Variants in CCSER1 observed in about 807,000 individuals in gnomAD.
The protein encoded by CCSER1 is serine-rich coiled-coil domain-containing protein 1.
A neutral mutation model predicts 82.0 loss-of-function variants in CCSER1; 41 were observed. The observed-to-expected ratio is 0.50, with a 90% CI of 0.39 to 0.65. The LOEUF (loss-of-function observed/expected upper bound fraction) is 0.65, where lower values mean the gene tolerates loss of function less well. CCSER1 is among the 30% of genes least tolerant of loss of function. The pLI, the probability that CCSER1 is intolerant of heterozygous loss-of-function variation, is 0.00. For missense variants in CCSER1, 1,119 were observed against 1,064.2 expected, an observed-to-expected ratio of 1.05 and a Z score of -0.72; for synonymous variants, 414 against 383.9, an observed-to-expected ratio of 1.08 and a Z score of -0.92.
At chr4:90,559,809 C>CAAAAAAAAAAAAA (rs1236087772) in intron 5 of CCSER1, among the ~76,000 whole-genome samples, 2 of 39,764 alleles carry the variant, frequency 5.0e-5, no homozygotes, top group African/African-American at 1.8e-4. Flanking sequence ...GACTCCGTCT[C>CAAAAAAAAAAAAA]AAAAAAAAAA....
intron 10 of CCSER1, among the ~76,000 whole-genome samples, chr4:91,460,948 A>G: frequency 6.6e-6 from 1 of 152,152 alleles, no homozygotes; most frequent in South Asian, 2.1e-4. Flanking sequence ...CTCAAAGGAT[A>G]AAAAAAATCC....
chr4:91,593,278 CCTTT>C (rs939850448), intron 10 of CCSER1, among the ~76,000 whole-genome samples: 3 of 152,046 alleles, frequency 2.0e-5, no homozygotes, highest in Non-Finnish European at 4.4e-5. Context: ...TTCATATTTG[CCTTT>C]CTTTAATTGA....
At chr4:91,153,807 G>A (rs762494152) in intron 10 of CCSER1, among the ~76,000 whole-genome samples, 10 of 151,962 alleles carry the variant, frequency 6.6e-5, no homozygotes, top group South Asian at 2.1e-4. Flanking sequence ...TATCACCAGC[G>A]GAGGCTGCAG....
intron 9 of CCSER1, among the ~76,000 whole-genome samples, chr4:90,929,826 T>C (rs1041430038): frequency 3.3e-5 from 5 of 152,216 alleles, no homozygotes; most frequent in African/African-American, 1.2e-4. Context: ...AGGGTGACTA[T>C]AATTAATGAT....
chr4:90,467,820 T>G (rs113499202), intron 4 of CCSER1, among the ~76,000 whole-genome samples: 2,596 of 152,340 alleles, frequency 0.017, 36 homozygotes, highest in African/African-American at 0.036. Context: ...GTTCAGAGGT[T>G]CCAGTAGTGT....
intron 5 of CCSER1, among the ~76,000 whole-genome samples, chr4:90,490,759 C>G (rs1187790628): frequency 3.3e-5 from 5 of 152,124 alleles, no homozygotes; most frequent in East Asian, 1.9e-4. Context: ...GTTTTCCCAG[C>G]ACCATTTTTT....
At chr4:90,835,541 A>G (rs13128537) in intron 8 of CCSER1, among the ~76,000 whole-genome samples, 9,989 of 152,182 alleles carry the variant, frequency 0.066, 429 homozygotes, top group Non-Finnish European at 0.092. Flanking sequence ...CAGTTCAGCT[A>G]TATGTTTAGA....
intron 6 of CCSER1, among the ~76,000 whole-genome samples, chr4:90,675,199 G>C (rs1240264827): frequency 6.6e-6 from 1 of 151,950 alleles, no homozygotes; most frequent in Admixed American, 6.6e-5. Context: ...GACAGAAAAA[G>C]TGAAAGAGAA....
intron 9 of CCSER1, among the ~76,000 whole-genome samples, chr4:91,024,822 G>A (rs1467252833): frequency 6.6e-6 from 1 of 151,908 alleles, no homozygotes; most frequent in Non-Finnish European, 1.5e-5. Context: ...GAAATAAGCA[G>A]GTATGACTTT....
At chr4:91,172,541 T>C (rs957726102) in intron 10 of CCSER1, among the ~76,000 whole-genome samples, 5 of 152,186 alleles carry the variant, frequency 3.3e-5, no homozygotes, top group Non-Finnish European at 5.9e-5. Flanking sequence ...TTGGAAGCAA[T>C]GATTAATATT....
intron 10 of CCSER1, among the ~76,000 whole-genome samples, chr4:91,383,488 T>A (rs1252476356): frequency 6.6e-6 from 1 of 152,128 alleles, no homozygotes; most frequent in Non-Finnish European, 1.5e-5. Flanking sequence ...TTTTTTGAAT[T>A]TATGCTTCTT....
chr4:90,256,244 G>T (rs1723266167), intron 1 of CCSER1, among the ~76,000 whole-genome samples: 1 of 152,062 alleles, frequency 6.6e-6, no homozygotes, highest in African/African-American at 2.4e-5. Flanking sequence ...TTTGTGACCT[G>T]ACTCATTCTT....
chr4:90,412,469 A>C (rs2153555673), intron 4 of CCSER1, among the ~76,000 whole-genome samples: 1 of 151,994 alleles, frequency 6.6e-6, no homozygotes, highest in Admixed American at 6.5e-5. Flanking sequence ...GTATAATAAT[A>C]ATAAAAAAAA....
chr4:90,835,291 A>G (rs1175998098), intron 8 of CCSER1, among the ~76,000 whole-genome samples: 1 of 152,234 alleles, frequency 6.6e-6, no homozygotes. Context: ...AGATGACGCC[A>G]CTGCACTCTA....
chr4:90,371,556 A>G (rs367921013), intron 3 of CCSER1, among the ~76,000 whole-genome samples: 5 of 150,702 alleles, frequency 3.3e-5, no homozygotes, highest in African/African-American at 1.2e-4. Flanking sequence ...GAAAAAAAAC[A>G]GTTATGAAAA....
intron 8 of CCSER1, among the ~76,000 whole-genome samples, chr4:90,907,832 C>G (rs1725732289): frequency 6.6e-6 from 1 of 151,996 alleles, no homozygotes; most frequent in South Asian, 2.1e-4. Context: ...CAATCTTTCC[C>G]TACTTAAATT....
At chr4:90,766,805 C>G (rs935019823) in intron 7 of CCSER1, among the ~76,000 whole-genome samples, 1 of 152,006 alleles carries the variant, frequency 6.6e-6, no homozygotes, top group Non-Finnish European at 1.5e-5. Flanking sequence ...CATATTTTCT[C>G]TCCATTGATA....
chr4:91,497,974 A>G (rs1486655520), intron 10 of CCSER1, among the ~76,000 whole-genome samples: 1 of 151,964 alleles, frequency 6.6e-6, no homozygotes, highest in Admixed American at 6.6e-5. Context: ...GATTACTGCA[A>G]TTAACTGTGC....
Position 90,749,469 on chromosome 4 carries a change from C to T in CCSER1, c.2010+25478C>T, listed in dbSNP as rs528281478. Among the ~76,000 whole-genome samples the T allele has an allele frequency of 2.1e-4, 32 of 152,044 alleles. No individual in the cohort carries two copies. In the South Asian group the frequency reaches 3.7e-3, roughly 18 times the overall value. ...TGTAGTATAGTCTGAAGTCAGGTAG[C>T]GTGATGCCTCTAGCTTTGTTCTTTT... On this transcript the variant is annotated intron_variant, in intron 7 of 10. Transcript: ENST00000509176.
Sources: allele counts gnomAD v4.1 joint callset (sites outside exome capture counted in the v4.1 genomes callset), GRCh38; gene constraint gnomAD v4.1.1; transcripts MANE v1.5; gene names NCBI Gene and HGNC (gene_info 2026-07-23, HGNC 2026-07-21).